PTPRG: variants seen among roughly 807,000 people sequenced by gnomAD.
The protein encoded by PTPRG is protein tyrosine phosphatase receptor type G.
A neutral mutation model predicts 165.3 loss-of-function variants in PTPRG; 102 were observed. The ratio of observed to expected loss-of-function variants is 0.62; its 90% CI spans 0.53 to 0.73. PTPRG has a LOEUF of 0.73. Ranked by LOEUF, PTPRG falls within the 30% of genes least tolerant of loss-of-function variation. The probability of loss-of-function intolerance (pLI) is 0.00; values close to 1 mark genes in which losing one functional copy is unlikely to be tolerated. For missense variants in PTPRG, 1,866 were observed against 1,861.4 expected (o/e 1.00, Z -0.05); for synonymous variants, 675 against 669.5 (o/e 1.01, Z -0.13).
chr3:62,198,506 T>C (rs1486663334), intron 10 of PTPRG, among the ~76,000 whole-genome samples: 3 of 152,210 alleles, frequency 2.0e-5, no homozygotes, highest in Admixed American at 6.5e-5. Context: ...AAATGGGGGT[T>C]TATATGCTTC....
At chr3:62,170,514 C>T (rs1369360868) in intron 8 of PTPRG, among the ~76,000 whole-genome samples, 1 of 152,084 alleles carries the variant, frequency 6.6e-6, no homozygotes, top group African/African-American at 2.4e-5. Context: ...CCTTTATTAT[C>T]CAAGAAAGCT....
At chr3:62,162,342 G>A (rs1048161476) in intron 7 of PTPRG, among the ~76,000 whole-genome samples, 7 of 151,384 alleles carry the variant, frequency 4.6e-5, no homozygotes, top group African/African-American at 1.2e-4. Context: ...CCCAAGCAGG[G>A]ATAAAAGAAA....
At chr3:61,988,260 A>G (rs868186872) in intron 2 of PTPRG, among the ~76,000 whole-genome samples, 1 of 152,186 alleles carries the variant, frequency 6.6e-6, no homozygotes, top group Non-Finnish European at 1.5e-5. Context: ...TTAAGGAGCT[A>G]TATCCATTGC....
chr3:62,182,989 G>T lies in PTPRG; in HGVS notation c.1034-8480G>T, dbSNP rs1056154352. 5.3e-5 allele frequency among the ~76,000 whole-genome samples: 8 copies of T among 152,214 alleles called. No individual in the cohort carries two copies. In the South Asian group the frequency reaches 6.2e-4, roughly 12 times the overall value. ...TATTTCTAAAGTACGTTTGCTATATGTCAGTCCACGTGCATTTGTGCATTT... is the reference window on the plus strand; with the variant it reads ...TATTTCTAAAGTACGTTTGCTATATTTCAGTCCACGTGCATTTGTGCATTT... On this transcript the variant is annotated intron_variant, in intron 8 of 29. Transcript: ENST00000474889.
intron 1 of PTPRG, among the ~76,000 whole-genome samples, chr3:61,607,078 TGA>T (rs751185756): frequency 1.2e-4 from 18 of 152,190 alleles, no homozygotes; most frequent in Non-Finnish European, 2.4e-4. Context: ...TGCCAAGAGG[TGA>T]GAGAAGGAGC....
chr3:62,187,424 T>C (rs745384770), intron 8 of PTPRG, among the ~76,000 whole-genome samples: 5 of 152,234 alleles, frequency 3.3e-5, no homozygotes, highest in Non-Finnish European at 7.3e-5. Flanking sequence ...CTAAGAATGG[T>C]TTCTATATTT....
At position 61,668,506 on chromosome 3, in the gene PTPRG, G is replaced by C. The variant is rs964390756; in HGVS notation, c.86-80372G>C. ...AGAAACTGACAGGCCCATTTTAGTA[G>C]AAAGCAAACGGCAGTGTGTGGGTGG... On this transcript the variant is annotated intron_variant, in intron 1 of 29. Transcript: ENST00000474889. 2.6e-5 allele frequency among the ~76,000 whole-genome samples: 4 copies of C among 152,280 alleles called. No homozygotes were observed. In the East Asian group the frequency reaches 5.8e-4, roughly 22 times the overall value.
chr3:61,605,188 C>T (rs543601582), intron 1 of PTPRG, among the ~76,000 whole-genome samples: 6 of 152,164 alleles, frequency 3.9e-5, no homozygotes, highest in South Asian at 4.1e-4. Flanking sequence ...AGAACCCTAA[C>T]GATGTGCTGA....
At chr3:61,681,379 T>C (rs1703435326) in intron 1 of PTPRG, among the ~76,000 whole-genome samples, 1 of 152,228 alleles carries the variant, frequency 6.6e-6, no homozygotes, top group Admixed American at 6.5e-5. Context: ...GCCTTGACCC[T>C]GCAATCTGCA....
At chr3:62,062,009 A>G (rs1700830519) in intron 4 of PTPRG, among the ~76,000 whole-genome samples, 1 of 150,040 alleles carries the variant, frequency 6.7e-6, no homozygotes, top group Non-Finnish European at 1.5e-5. Flanking sequence ...GTTACAATTT[A>G]GTATGGGGGG....
At chr3:61,993,568 G>A (rs959438531) in intron 3 of PTPRG, among the ~76,000 whole-genome samples, 2 of 151,990 alleles carry the variant, frequency 1.3e-5, no homozygotes, top group Non-Finnish European at 2.9e-5. Context: ...TGGGTTAAAG[G>A]GCTCATGGTA....
intron 3 of PTPRG, among the ~76,000 whole-genome samples, chr3:61,990,391 A>G (rs1384963474): frequency 6.6e-6 from 1 of 152,234 alleles, no homozygotes; most frequent in African/African-American, 2.4e-5. Context: ...ACTTCCGAGT[A>G]CAGATGAACT....
chr3:61,783,280 C>T (rs528530170), intron 2 of PTPRG, among the ~76,000 whole-genome samples: 1 of 152,230 alleles, frequency 6.6e-6, no homozygotes, highest in African/African-American at 2.4e-5. Flanking sequence ...GTTGAGGCAG[C>T]AATGAGCTGT....
chr3:61,821,460 C>T (rs1328579953), intron 2 of PTPRG, among the ~76,000 whole-genome samples: 3 of 152,168 alleles, frequency 2.0e-5, no homozygotes, highest in Admixed American at 6.5e-5. Context: ...TGAGCCACCG[C>T]GCACTGCCGT....
intron 1 of PTPRG, among the ~76,000 whole-genome samples, chr3:61,712,082 C>T (rs1321014835): frequency 3.9e-5 from 6 of 151,946 alleles, no homozygotes; most frequent in Non-Finnish European, 7.4e-5. Flanking sequence ...TTAGTAGAGA[C>T]GGGGTTTCGC....
chr3:61,622,612 G>T (rs1386325906), intron 1 of PTPRG, among the ~76,000 whole-genome samples: 1 of 152,108 alleles, frequency 6.6e-6, no homozygotes, highest in Admixed American at 6.5e-5. Context: ...TCTTGCAATG[G>T]AAAGTGCTTT....
chr3:61,914,460 T>C (rs139589491), intron 2 of PTPRG, among the ~76,000 whole-genome samples: 17 of 152,250 alleles, frequency 1.1e-4, no homozygotes, highest in African/African-American at 4.1e-4. Context: ...GTAGTCATCA[T>C]TGACTGCGTC....
rs770109649 is a variant in PTPRG at position 62,277,055 on chromosome 3, G to A, written c.3636+7G>A. 1 of 1,607,146 alleles carries A rather than the reference G, an allele frequency of 6.2e-7. No individual in the cohort carries two copies. On this transcript the variant is annotated splice_region_variant and intron_variant, in intron 25 of 29. Transcript: ENST00000474889. ...TAATGCTTCTTATATCATGGTGAGA[G>A]TCAACAGTTAATTATAAATAAAGTC... is the stretch of plus-strand genomic sequence containing the variant.
intron 3 of PTPRG, among the ~76,000 whole-genome samples, chr3:61,994,484 G>C (rs960402355): frequency 1.4e-4 from 21 of 152,246 alleles, no homozygotes; most frequent in Admixed American, 9.8e-4. Flanking sequence ...CATAGTGCCT[G>C]TGATACAGGT....
Sources: allele counts gnomAD v4.1 joint callset (sites outside exome capture counted in the v4.1 genomes callset), GRCh38; gene constraint gnomAD v4.1.1; transcripts MANE v1.5; gene names NCBI Gene and HGNC (gene_info 2026-07-23, HGNC 2026-07-21).